UNK: variants seen among roughly 807,000 people sequenced by gnomAD.
UNK encodes the protein RING finger protein unkempt homolog.
In UNK, 32 loss-of-function variants were observed where a neutral mutation model predicts 97.6. The ratio of observed to expected loss-of-function variants is 0.33; its 90% CI spans 0.25 to 0.44. The LOEUF is 0.44. Among genes scored for constraint, UNK ranks in the 20% least tolerant of loss-of-function variants. UNK has a pLI of 1.00. For missense variants in UNK, 771 were observed against 1,098.4 expected (o/e 0.70, Z 4.21); for synonymous variants, 441 against 461.2 (o/e 0.96, Z 0.56).
chr17:75,808,210 C>G (rs887153682), intron 1 of UNK, among the ~76,000 whole-genome samples: 1 of 152,174 alleles, frequency 6.6e-6, no homozygotes, highest in Non-Finnish European at 1.5e-5. Context: ...CAGCTCAGTG[C>G]CAGGCGTGGT....
At position 75,784,996 on chromosome 17, in the gene UNK, C is replaced by T. The variant is rs368690458; in HGVS notation, c.104+12C>T. The stretch of plus-strand genomic sequence containing the variant: ...CCGCAGCACTACACGTACGTAGAGC[C>T]CCCCCCCCCCCGCCGCGCGCGCACG... On this transcript the variant is annotated intron_variant, in intron 1 of 15. Transcript: ENST00000589666. The T allele has an allele frequency of 9.7e-5, 13 of 133,444 alleles. No individual in the cohort carries two copies. In the South Asian group the frequency reaches 1.0e-3, roughly 10 times the overall value. 8.3% of individuals were successfully genotyped at this position (133,444 alleles called of 1,614,324 possible). A position where few individuals can be genotyped will look rare whatever the true frequency, so the allele number is the denominator to read the frequency against.
At chr17:75,821,914 A>T (rs1004078521) in intron 13 of UNK, 5 of 343,040 alleles carry the variant, frequency 1.5e-5, no homozygotes, top group African/African-American at 6.5e-5. Flanking sequence ...TCCTGGCCCT[A>T]CCACTTACAA....
intron 15 of UNK, among the ~76,000 whole-genome samples, chr17:75,823,727 G>A (rs1250241770): frequency 6.6e-6 from 1 of 152,186 alleles, no homozygotes; most frequent in Non-Finnish European, 1.5e-5. Context: ...GGTGAGGGGT[G>A]TCGGTGCCAC....
chr17:75,812,626 C>A, intron 4 of UNK, 41 bp downstream of exon 4: 1 of 1,590,530 alleles, frequency 6.3e-7, no homozygotes, highest in Non-Finnish European at 8.6e-7. Context: ...CCCTATAATC[C>A]TGCTCATAGC....
chr17:75,818,910 C>G lies in UNK; in HGVS notation c.1546+94C>G, dbSNP rs1447483134. The G allele has an allele frequency of 2.3e-5, 31 of 1,364,218 alleles. No individual in the cohort carries two copies. Among genetic ancestry groups the G allele is most frequent in the Non-Finnish European group, 2.6e-5 (27 of 1,030,344 alleles). 84.5% of individuals were successfully genotyped at this position (1,364,218 alleles called of 1,614,324 possible). A position where few individuals can be genotyped will look rare whatever the true frequency, so the allele number is the denominator to read the frequency against. The stretch of plus-strand genomic sequence containing the variant: ...GCGAGTCTCAAATCAGCACACCAGA[C>G]CCCTTAGACATCTGTCTTCGGAAAA... On this transcript the variant is annotated intron_variant, in intron 11 of 15. Transcript: ENST00000589666. This position sits in a 1 kb window ranked among gnomAD's most constrained non-coding sequence, Gnocchi z 5.1.
rs1335929089 is a variant in UNK, at chr17:75,819,823, C to T, written c.1648+38C>T. The T allele has an allele frequency of 6.2e-7, 1 of 1,612,242 alleles. No homozygotes were observed. Among genetic ancestry groups the T allele is most frequent in the East Asian group, 2.2e-5 (1 of 44,878 alleles). On this transcript the variant is annotated intron_variant, in intron 12 of 15. Transcript: ENST00000589666. The surrounding 1 kb of genome is among the most constrained non-coding windows in gnomAD (Gnocchi z 5.4). ...GGTGGGCAGGGCAGCCTGGAGGACT[C>T]CTCGGGTTCCTGCCTGGCTCAGGCC...
Position 75,813,130 on chromosome 17 carries a change from G to A in UNK, c.675G>A (p.Pro225=), listed in dbSNP as rs372281157. ...AGACGGAGCCTTGCAAGAAGCCCCC[G>A]CGGCTGTGCCGCCAAGGCTATGCCT... ...NYKTEPCKKP[P]RLCRQGYACP... is the part of the protein sequence containing the mutation. Residue 225 remains proline (P), a synonymous_variant, in exon 5 of 16, where the codon CCG becomes CCA. Transcript: ENST00000589666. 38 of 1,588,206 alleles carry A rather than the reference G, an allele frequency of 2.4e-5. No homozygotes were observed. Among genetic ancestry groups the A allele is most frequent in the African/African-American group, 1.7e-4 (13 of 74,458 alleles).
In UNK at chr17:75,824,139, C is replaced by A; in HGVS notation, c.2278-123C>A. 8.1e-7 allele frequency: 1 copy of A among 1,231,386 alleles called. No individual in the cohort carries two copies. Among genetic ancestry groups the A allele is most frequent in the Non-Finnish European group, 1.1e-6 (1 of 928,612 alleles). 76.3% of individuals were successfully genotyped at this position (1,231,386 alleles called of 1,614,324 possible). A position where few individuals can be genotyped will look rare whatever the true frequency, so the allele number is the denominator to read the frequency against. ...ACCTGCCAACAGGGGTCTGGGAGCA[C>A]ACTGTTGAGCTCGGTACCTCAGTTT... On this transcript the variant is annotated intron_variant, in intron 15 of 15. Coordinates refer to ENST00000589666, the MANE Select transcript of UNK (RefSeq NM_001080419.3). The surrounding 1 kb of genome is among the most constrained non-coding windows in gnomAD (Gnocchi z 4.9).
At chr17:75,798,347 G>A (rs939062214) in intron 1 of UNK, among the ~76,000 whole-genome samples, 1 of 151,980 alleles carries the variant, frequency 6.6e-6, no homozygotes, top group Admixed American at 6.6e-5. Context: ...GGGATTACAG[G>A]CAAGAGCCAC....
Position 75,818,194 on chromosome 17 carries a change from C to T in UNK, c.1371+26C>T, listed in dbSNP as rs895699715. On this transcript the variant is annotated intron_variant, in intron 10 of 15. Transcript: ENST00000589666. This position sits in a 1 kb window ranked among gnomAD's most constrained non-coding sequence, Gnocchi z 5.1. ...GTATAGAGCTCTCAGCCCCCTTCCT[C>T]CCCTCTGCTGTGGACAGGAGTGGCC... 1.9e-6 allele frequency: 3 copies of T among 1,612,688 alleles called. No homozygotes were observed. Among genetic ancestry groups the T allele is most frequent in the Non-Finnish European group, 2.5e-6 (3 of 1,179,360 alleles).
chr17:75,806,115 AAAAAG>A (rs2061913164), intron 1 of UNK, among the ~76,000 whole-genome samples: 1 of 151,702 alleles, frequency 6.6e-6, no homozygotes, highest in South Asian at 2.1e-4. Context: ...AAAAAAAAAA[AAAAAG>A]AAATCTAAAG....
chr17:75,792,082 C>T, intron 1 of UNK: 1 of 982,962 alleles, frequency 1.0e-6, no homozygotes, highest in Non-Finnish European at 1.2e-6. Context: ...AGAGCCCTGC[C>T]ACAGCCTGAG....
At chr17:75,821,251 CCA>C in intron 13 of UNK, 2 of 367,072 alleles carry the variant, frequency 5.4e-6, no homozygotes, top group Middle Eastern at 3.8e-4. Context: ...CACTTACTGG[CCA>C]CACACTCCTT....
chr17:75,812,991 C>G, intron 4 of UNK, 87 bp from the exon 5 acceptor site: 1 of 1,464,878 alleles, frequency 6.8e-7, no homozygotes, highest in Non-Finnish European at 9.1e-7. Flanking sequence ...TTCCCAGTGG[C>G]TTCTCCTTCC....
chr17:75,785,181 G>C, intron 1 of UNK, 197 bp downstream of exon 1: 1 of 515,374 alleles, frequency 1.9e-6, no homozygotes, highest in Non-Finnish European at 3.4e-6. Flanking sequence ...CGGGCTGTGG[G>C]GCGGGAAACT....
chr17:75,804,931 C>T (rs925342839), intron 1 of UNK, among the ~76,000 whole-genome samples: 5 of 151,294 alleles, frequency 3.3e-5, no homozygotes, highest in South Asian at 2.1e-4. Context: ...CAGTGGCTCA[C>T]GCCTGTAATC....
intron 2 of UNK, among the ~76,000 whole-genome samples, 167 bp from the exon 3 acceptor site, chr17:75,811,945 C>T (rs1042569614): frequency 3.9e-5 from 6 of 152,154 alleles, no homozygotes; most frequent in African/African-American, 1.4e-4. Context: ...AAGATCGCGC[C>T]GCTGCACTCC....
In UNK at chr17:75,816,135, G is replaced by A. The variant is rs866353825; in HGVS notation, c.962-635G>A. On this transcript the variant is annotated intron_variant, in intron 7 of 15. Transcript: ENST00000589666. The surrounding 1 kb of genome is among the most constrained non-coding windows in gnomAD (Gnocchi z 4.0). ...GGCTCAGTAGCCACATGTGGCTTTC[G>A]GCTGCCTTGTGGGACAGTGTGGGTC... Among the ~76,000 whole-genome samples the A allele has an allele frequency of 1.3e-5, 2 of 152,102 alleles. No homozygotes were observed. Among genetic ancestry groups the A allele is most frequent in the African/African-American group, 2.4e-5 (1 of 41,412 alleles).
At chr17:75,801,065 G>A (rs1400797402) in intron 1 of UNK, among the ~76,000 whole-genome samples, 5 of 151,622 alleles carry the variant, frequency 3.3e-5, no homozygotes, top group East Asian at 2.0e-4. Flanking sequence ...CACCACGCCC[G>A]GCTAATTTTT....
Sources: gnomAD v4.1 joint callset for allele counts (sites outside exome capture counted in the v4.1 genomes callset) on GRCh38, gnomAD v4.1.1 for gene constraint, Gnocchi (gnomAD v3.1) non-coding constraint, MANE v1.5 for transcripts, NCBI Gene and HGNC (gene_info 2026-07-23, HGNC 2026-07-21) for gene names.